EXOC3L4: variants seen among roughly 807,000 people sequenced by gnomAD.
EXOC3L4 encodes the protein exocyst complex component 3 like 4.
A neutral mutation model predicts 69.7 loss-of-function variants in EXOC3L4; 62 were observed. The ratio of observed to expected loss-of-function variants is 0.89; its 90% CI spans 0.72 to 1.10. The LOEUF (loss-of-function observed/expected upper bound fraction) is 1.10. Ranked by LOEUF, EXOC3L4 falls within the 50% of genes least tolerant of loss-of-function variation. The pLI, the probability that EXOC3L4 is intolerant of heterozygous loss-of-function variation, is 0.00. For synonymous variants in EXOC3L4, 502 were observed against 464.2 expected, an observed-to-expected ratio of 1.08 and a Z score of -1.05; for missense variants, 1,087 against 1,034.8, an observed-to-expected ratio of 1.05 and a Z score of -0.69.
Position 103,110,199 on chromosome 14 carries a change from G to A in EXOC3L4, c.2145G>A (p.Met715Ile), listed in dbSNP as rs1233359423. ...LFEEIKVPSA[M>I]AVLITCV ...AGGAGATCAAGGTGCCCAGTGCCAT[G>A]GCTGTGCTGATCACCTGCGTCTAGT... Residue 715 changes from methionine (M) to isoleucine (I), a missense_variant, in exon 12 of 12, where the codon ATG (methionine) becomes ATA (isoleucine). Physicochemically the swap from Met to Ile is conservative, Grantham distance 10 (BLOSUM62 1). Transcript: ENST00000688303. The A allele has an allele frequency of 6.6e-7, 1 of 1,515,058 alleles. No homozygotes were observed. The highest frequency in any genetic ancestry group is 8.9e-7 in the Non-Finnish European group (1 of 1,129,542). 93.9% of individuals were successfully genotyped at this position (1,515,058 alleles called of 1,614,324 possible). A position where few individuals can be genotyped will look rare whatever the true frequency, so the allele number is the denominator to read the frequency against.
chr14:103,103,227 C>T (rs1313836393), intron 3 of EXOC3L4, among the ~76,000 whole-genome samples: 1 of 152,024 alleles, frequency 6.6e-6, no homozygotes, highest in Non-Finnish European at 1.5e-5. Context: ...TGGTGGCACG[C>T]ACCTGTAATC....
chr14:103,103,755 TC>T (rs1343279975), intron 3 of EXOC3L4, 185 bp from the exon 4 acceptor site: 5 of 528,800 alleles, frequency 9.5e-6, no homozygotes, highest in Non-Finnish European at 1.7e-5. Flanking sequence ...GTCAGAGGCT[TC>T]CCGGGAGGGG....
At position 103,104,721 on chromosome 14, in the gene EXOC3L4, C is replaced by A; in HGVS notation, c.1285-17C>A. On this transcript the variant is annotated splice_polypyrimidine_tract_variant and intron_variant, in intron 5 of 11. Transcript: ENST00000688303. Reference sequence around the variant, plus strand: ...CGGGGGCTGGGAGGCACGCTCAGTGCGGGGCTTCGCTCGCAGCTCGTGGCC... The same window carrying A: ...CGGGGGCTGGGAGGCACGCTCAGTGAGGGGCTTCGCTCGCAGCTCGTGGCC... 1 of 1,485,576 alleles carries A rather than the reference C, an allele frequency of 6.7e-7. No homozygotes were observed. 92.0% of individuals were successfully genotyped at this position (1,485,576 alleles called of 1,614,324 possible). A position where few individuals can be genotyped will look rare whatever the true frequency, so the allele number is the denominator to read the frequency against.
rs1186377134 is a variant in EXOC3L4, at chr14:103,105,079, C to A, written c.1466+7C>A. 6.3e-7 allele frequency: 1 copy of A among 1,595,210 alleles called. No individual in the cohort carries two copies. The highest frequency in any genetic ancestry group is 8.6e-7 in the Non-Finnish European group (1 of 1,167,678). On this transcript the variant is annotated splice_region_variant and intron_variant, in intron 7 of 11. Coordinates refer to ENST00000688303, the MANE Select transcript of EXOC3L4 (RefSeq NM_001077594.2). ...ACGCCTGCGAGGAGCTCAGGTAGGGCTCGCCCGCTCCTGTGCGGGCGCAGC... is the reference window on the plus strand; with the variant it reads ...ACGCCTGCGAGGAGCTCAGGTAGGGATCGCCCGCTCCTGTGCGGGCGCAGC...
intron 8 of EXOC3L4, 125 bp downstream of exon 8, chr14:103,107,024 G>A (rs1890594089): frequency 5.8e-6 from 5 of 855,588 alleles, no homozygotes; most frequent in Non-Finnish European, 5.3e-6. Flanking sequence ...TGTGTGTGTA[G>A]GGTAGTGGGC....
intron 8 of EXOC3L4, 43 bp from the exon 9 acceptor site, chr14:103,107,381 G>A (rs1890620344): frequency 4.4e-6 from 7 of 1,595,254 alleles, no homozygotes; most frequent in Non-Finnish European, 6.0e-6. Flanking sequence ...TTACGTTGCG[G>A]GCGTAGTGCA....
chr14:103,094,407 G>A (rs899450841), upstream of EXOC3L4, among the ~76,000 whole-genome samples: 3 of 152,156 alleles, frequency 2.0e-5, no homozygotes, highest in African/African-American at 7.2e-5. Flanking sequence ...AGTGTCCCCC[G>A]AGGCCAGCGC....
At chr14:103,095,421 A>T (rs546511193) in intron 1 of EXOC3L4, among the ~76,000 whole-genome samples, 1 of 152,336 alleles carries the variant, frequency 6.6e-6, no homozygotes, top group East Asian at 1.9e-4. Context: ...GTATGGGCTC[A>T]GCTGGTCCGG....
At chr14:103,100,660 A>G in intron 2 of EXOC3L4, 47 bp downstream of exon 2, 1 of 1,542,908 alleles carries the variant, frequency 6.5e-7, no homozygotes, top group Non-Finnish European at 8.8e-7. Flanking sequence ...AACGGGCCAG[A>G]GGTCAGGGCA....
rs751337160 is a variant in EXOC3L4, at chr14:103,100,463, T to A, written c.244T>A (p.Ser82Thr). ...DTGLFRRSSCSLFRSFRQALN... is the reference protein window; with the variant it reads ...DTGLFRRSSCTLFRSFRQALN... ...GGGCCTGTTCCGGCGAAGCTCCTGC[T>A]CCCTGTTCCGGTCCTTCCGGCAAGC... The change falls in exon 2 of 12, where the codon TCC becomes ACC. Residue 82 changes from serine to threonine, a missense_variant. Coordinates refer to ENST00000688303, the MANE Select transcript of EXOC3L4 (RefSeq NM_001077594.2). 4.3e-6 allele frequency: 7 copies of A among 1,613,266 alleles called. No homozygotes were observed. The Admixed American group carries it at 1.2e-4, about 27-fold the overall frequency.
chr14:103,104,421 C>A, intron 5 of EXOC3L4, 32 bp downstream of exon 5: 2 of 1,524,920 alleles, frequency 1.3e-6, no homozygotes, highest in Non-Finnish European at 1.8e-6. Flanking sequence ...TGAGAAGGGG[C>A]GTCTGTTCAA....
intron 11 of EXOC3L4, 73 bp downstream of exon 11, chr14:103,108,590 C>T (rs1890718517): frequency 3.8e-6 from 6 of 1,571,394 alleles, no homozygotes; most frequent in Non-Finnish European, 5.2e-6. Flanking sequence ...TTGGAGCAAC[C>T]CCAGCCCAGA....
Position 103,104,858 on chromosome 14 carries a change from A to AG in EXOC3L4, c.1385+24dup. 2.6e-6 allele frequency: 4 copies of AG among 1,514,878 alleles called. No homozygotes were observed. Among genetic ancestry groups the AG allele is most frequent in the Non-Finnish European group, 3.6e-6 (4 of 1,124,466 alleles). 93.8% of individuals were successfully genotyped at this position (1,514,878 alleles called of 1,614,324 possible). A position where few individuals can be genotyped will look rare whatever the true frequency, so the allele number is the denominator to read the frequency against. On this transcript the variant is annotated intron_variant, in intron 6 of 11. Coordinates refer to ENST00000688303, the MANE Select transcript of EXOC3L4 (RefSeq NM_001077594.2). ...GCCCAGGTGCGGACGCATCCTCAGT[A>AG]GGGGAGCGACCTGGCCGGGTGCGCT...
rs1198699407 is a variant in EXOC3L4, at chr14:103,107,463, C to A, written c.1621C>A (p.Gln541Lys). ...TGTGTGCACCAGGGACTGGCTGACG[C>A]AGGACTGGCTGCATCCCCTCATGGA... ...RVVCTRDWLT[Q>K]DWLHPLMDKV... is the part of the protein sequence containing the mutation. Residue 541 changes from glutamine (Q) to lysine (K), a missense_variant, in exon 9 of 12, where the codon CAG becomes AAG. By Grantham distance (53) the Gln-to-Lys change is moderately conservative. Transcript: ENST00000688303. 6.2e-7 allele frequency: 1 copy of A among 1,613,818 alleles called. No homozygotes were observed. The highest frequency in any genetic ancestry group is 1.3e-5 in the African/African-American group (1 of 74,944).
chr14:103,104,235 G>A, intron 4 of EXOC3L4, 32 bp from the exon 5 acceptor site: 2 of 1,539,720 alleles, frequency 1.3e-6, no homozygotes, highest in Non-Finnish European at 1.8e-6. Flanking sequence ...GTCTGGGAGG[G>A]TCTCACCACG....
At position 103,110,138 on chromosome 14, in the gene EXOC3L4, C is replaced by T. The variant is rs778283542; in HGVS notation, c.2084C>T (p.Ala695Val). The T allele has an allele frequency of 2.3e-5, 35 of 1,551,252 alleles. No individual in the cohort carries two copies. The highest frequency in any genetic ancestry group is 1.7e-4 in the Middle Eastern group (1 of 6,000). Residue 695 changes from alanine (A) to valine (V), a missense_variant, in exon 12 of 12, where the codon GCG becomes GTG. Ala to Val is a moderately conservative substitution (Grantham distance 64). Transcript: ENST00000688303. ...CTGCTGAGAGCTGCGGCCGGGGCGG[C>T]GGGTGCGGAGGCCCCTCGGGGCCGC... Reference protein sequence around the residue: ...QDLLRAAAGAAGAEAPRGRVL... With the variant: ...QDLLRAAAGAVGAEAPRGRVL...
intron 5 of EXOC3L4, 84 bp from the exon 6 acceptor site, chr14:103,104,641 AGCGGGGCGGGCTG>A (rs1485153968): frequency 2.7e-5 from 20 of 739,792 alleles, no homozygotes; most frequent in Middle Eastern, 4.4e-4. Context: ...TGACAGGCAC[AGCGGGGCGGGCTG>A]GAGGCGCAGC....
chr14:103,104,531 C>CG (rs1330443524), intron 5 of EXOC3L4, 142 bp downstream of exon 5: 31 of 1,350,694 alleles, frequency 2.3e-5, no homozygotes, highest in Admixed American at 3.3e-5. Flanking sequence ...GGGGGGAAAT[C>CG]GGGGACCCCC....
At chr14:103,096,309 G>A (rs1017926604) in intron 1 of EXOC3L4, among the ~76,000 whole-genome samples, 3 of 151,922 alleles carry the variant, frequency 2.0e-5, no homozygotes, top group Non-Finnish European at 2.9e-5. Flanking sequence ...AGCTATGATC[G>A]CATCCCTGCA....
Sources: allele counts gnomAD v4.1 joint callset (sites outside exome capture counted in the v4.1 genomes callset), GRCh38; gene constraint gnomAD v4.1.1; transcripts MANE v1.5; gene names NCBI Gene and HGNC (gene_info 2026-07-23, HGNC 2026-07-21).